The following PTPRD variants were observed in gnomAD, a reference collection of about 807,000 sequenced individuals.
The protein encoded by PTPRD is receptor-type tyrosine-protein phosphatase delta.
In PTPRD, 34 loss-of-function variants were observed where a neutral mutation model predicts 214.5. That is an observed-to-expected ratio of 0.16 (90% CI 0.12 to 0.21). PTPRD has a LOEUF of 0.21. Among genes scored for constraint, PTPRD ranks in the 10% least tolerant of loss-of-function variants. The pLI, the probability that PTPRD is intolerant of heterozygous loss-of-function variation, is 1.00. For synonymous variants in PTPRD, 1,128 were observed against 845.7 expected, an observed-to-expected ratio of 1.33 and a Z score of -5.79; for missense variants, 2,545 against 2,398.7, an observed-to-expected ratio of 1.06 and a Z score of -1.27.
intron 33 of PTPRD, among the ~76,000 whole-genome samples, chr9:8,452,473 C>A (rs1466584425): frequency 1.3e-5 from 2 of 152,146 alleles, no homozygotes; most frequent in Non-Finnish European, 1.5e-5. Flanking sequence ...TTAGGCCCAA[C>A]ATGAATGTAA....
chr9:9,519,690 G>C (rs57128463), intron 8 of PTPRD, among the ~76,000 whole-genome samples: 351 of 151,982 alleles, frequency 2.3e-3, no homozygotes, highest in African/African-American at 8.0e-3. Context: ...AACACATATT[G>C]ACAGGAATGA....
At position 8,317,242 on chromosome 9, in the gene PTPRD, G is replaced by A. The variant is rs1319903591; in HGVS notation, c.*632C>T. 1 of 231,352 alleles carries A rather than the reference G, an allele frequency of 4.3e-6. No individual in the cohort carries two copies. Among genetic ancestry groups the A allele is most frequent in the African/African-American group, 2.2e-5 (1 of 45,066 alleles). 14.3% of individuals were successfully genotyped at this position (231,352 alleles called of 1,614,324 possible). A position where few individuals can be genotyped will look rare whatever the true frequency, so the allele number is the denominator to read the frequency against. ...TACAGCTTAAAAAAACCTACGATTTGGAAATAAAAAAATGAAGAGTTATGT... is the reference window on the plus strand; with the variant it reads ...TACAGCTTAAAAAAACCTACGATTTAGAAATAAAAAAATGAAGAGTTATGT... On this transcript the variant is annotated 3_prime_UTR_variant, in exon 46 of 46. Transcript: ENST00000381196.
chr9:9,947,322 AT>A (rs1334996289), intron 4 of PTPRD, among the ~76,000 whole-genome samples: 1 of 87,930 alleles, frequency 1.1e-5, no homozygotes, highest in African/African-American at 5.0e-5. Flanking sequence ...TATATTATAT[AT>A]ATTATATATG....
intron 14 of PTPRD, among the ~76,000 whole-genome samples, chr9:8,599,250 A>C (rs1014667292): frequency 6.6e-6 from 1 of 152,188 alleles, no homozygotes; most frequent in African/African-American, 2.4e-5. Flanking sequence ...TGAGTCAGTT[A>C]AACCTCTTTC....
chr9:9,626,087 AG>A (rs2095417231), intron 7 of PTPRD, among the ~76,000 whole-genome samples: 1 of 152,232 alleles, frequency 6.6e-6, no homozygotes, highest in Non-Finnish European at 1.5e-5. Context: ...GAACTGAATT[AG>A]GTCTACGAGC....
chr9:9,246,747 G>C (rs544318623), intron 9 of PTPRD, among the ~76,000 whole-genome samples: 3 of 152,096 alleles, frequency 2.0e-5, no homozygotes, highest in African/African-American at 4.8e-5. Context: ...CCTATTCTTG[G>C]AGCTGAGAGA....
chr9:9,791,243 G>C (rs1340721993), intron 5 of PTPRD, among the ~76,000 whole-genome samples: 1 of 152,088 alleles, frequency 6.6e-6, no homozygotes, highest in African/African-American at 2.4e-5. Context: ...GCTAAAATCG[G>C]ATTATACCTT....
intron 11 of PTPRD, among the ~76,000 whole-genome samples, chr9:8,753,542 T>TA (rs547262461): frequency 2.3e-4 from 35 of 152,138 alleles, no homozygotes; most frequent in African/African-American, 8.0e-4. Flanking sequence ...TGCCTCTCCT[T>TA]AAACAGGAGC....
Position 9,380,784 on chromosome 9 carries a change from A to C in PTPRD, c.-203+16665T>G, listed in dbSNP as rs544096909. Among the ~76,000 whole-genome samples, 18 of 152,244 alleles carry C rather than the reference A, an allele frequency of 1.2e-4. No individual in the cohort carries two copies. The South Asian group carries it at 3.7e-3, about 32-fold the overall frequency. ...CTATTTCTGATACAGGACTGTCAAA[A>C]TCTCTATGATTGTGGATTCTTCCAT... On this transcript the variant is annotated intron_variant, in intron 9 of 45. Coordinates refer to ENST00000381196, the MANE Select transcript of PTPRD (RefSeq NM_002839.4).
chr9:9,113,293 T>A (rs1204710391), intron 10 of PTPRD, among the ~76,000 whole-genome samples: 1 of 152,072 alleles, frequency 6.6e-6, no homozygotes, highest in Non-Finnish European at 1.5e-5. Flanking sequence ...TTTTTATACA[T>A]GAAATTATCT....
chr9:8,750,837 G>A (rs945721035), intron 11 of PTPRD, among the ~76,000 whole-genome samples: 2 of 152,132 alleles, frequency 1.3e-5, no homozygotes, highest in Non-Finnish European at 2.9e-5. Context: ...TGCAGTGGAA[G>A]ACACTGGAGG....
intron 4 of PTPRD, among the ~76,000 whole-genome samples, chr9:9,956,074 T>C (rs1566706111): frequency 6.6e-6 from 1 of 152,100 alleles, no homozygotes; most frequent in Admixed American, 6.5e-5. Context: ...TGCAAGCTTT[T>C]AAAAAAATAT....
intron 14 of PTPRD, among the ~76,000 whole-genome samples, chr9:8,542,217 C>T (rs544110163): frequency 2.0e-5 from 3 of 152,086 alleles, no homozygotes; most frequent in Non-Finnish European, 4.4e-5. Context: ...TCGGTGCTTG[C>T]GGGCATGTGT....
Position 8,589,988 on chromosome 9 carries a change from T to A in PTPRD, c.352+43329A>T, listed in dbSNP as rs1445803598. Among the ~76,000 whole-genome samples the A allele has an allele frequency of 3.3e-5, 5 of 152,190 alleles. No individual in the cohort carries two copies. In the East Asian group the frequency reaches 7.7e-4, roughly 23 times the overall value. ...GTTCACTTGGTCAACTAATAATGAC[T>A]GAACCTCGGTAACAAAGATTTCTGG... On this transcript the variant is annotated intron_variant, in intron 14 of 45. Coordinates refer to ENST00000381196, the MANE Select transcript of PTPRD (RefSeq NM_002839.4).
intron 2 of PTPRD, among the ~76,000 whole-genome samples, chr9:10,546,110 G>A (rs1337870375): frequency 3.9e-5 from 6 of 152,008 alleles, no homozygotes; most frequent in African/African-American, 1.4e-4. Context: ...TATCCCTTGG[G>A]ACCAACATTA....
intron 3 of PTPRD, among the ~76,000 whole-genome samples, chr9:10,175,939 C>T (rs1446014954): frequency 2.6e-5 from 4 of 151,916 alleles, no homozygotes; most frequent in African/African-American, 9.7e-5. Context: ...TTTCCAACAT[C>T]TTTTTGTACT....
chr9:10,242,296 A>T (rs2091233723), intron 3 of PTPRD, among the ~76,000 whole-genome samples: 1 of 151,914 alleles, frequency 6.6e-6, no homozygotes, highest in Admixed American at 6.6e-5. Context: ...TATTTCTTTA[A>T]GCTCCCATAT....
At chr9:8,974,889 G>C (rs1190795770) in intron 11 of PTPRD, among the ~76,000 whole-genome samples, 1 of 151,840 alleles carries the variant, frequency 6.6e-6, no homozygotes, top group African/African-American at 2.4e-5. Flanking sequence ...CTGAAGTCAG[G>C]AGTTCGAGAC....
intron 9 of PTPRD, among the ~76,000 whole-genome samples, chr9:9,344,689 C>T (rs2048159306): frequency 6.6e-6 from 1 of 151,876 alleles, no homozygotes; most frequent in Admixed American, 6.6e-5. Flanking sequence ...CTTTTAAAAA[C>T]TTTAAGTTAA....
Sources: gnomAD v4.1 joint callset for allele counts (sites outside exome capture counted in the v4.1 genomes callset) on GRCh38, gnomAD v4.1.1 for gene constraint, MANE v1.5 for transcripts, NCBI Gene and HGNC (gene_info 2026-07-23, HGNC 2026-07-21) for gene names.